LRRIQ3: variants seen among roughly 807,000 people sequenced by gnomAD.
LRRIQ3 encodes leucine-rich repeat and IQ domain-containing protein 3.
In LRRIQ3, 75 loss-of-function variants were observed where a neutral mutation model predicts 59.3. That is an observed-to-expected ratio of 1.26 (90% confidence interval 1.05 to 1.53). The LOEUF (loss-of-function observed/expected upper bound fraction) is 1.53. Ranked by LOEUF, LRRIQ3 falls within the 40% of genes most tolerant of loss-of-function variation. The probability of loss-of-function intolerance (pLI) is 0.00; values close to 1 mark genes in which losing one functional copy is unlikely to be tolerated. For missense variants in LRRIQ3, 831 were observed against 710.0 expected (o/e 1.17, Z -1.94); for synonymous variants, 250 against 231.3 (o/e 1.08, Z -0.73).
chr1:74,068,105 C>A (rs141621272), intron 6 of LRRIQ3, among the ~76,000 whole-genome samples: 29 of 152,182 alleles, frequency 1.9e-4, no homozygotes, highest in African/African-American at 6.5e-4. Flanking sequence ...ATAACTTGGA[C>A]TGCCATCATT....
chr1:74,165,241 C>T (rs951600348), intron 3 of LRRIQ3, among the ~76,000 whole-genome samples: 14 of 151,444 alleles, frequency 9.2e-5, no homozygotes, highest in African/African-American at 1.2e-4. Flanking sequence ...ATATAAATTT[C>T]GGTAGAATTG....
chr1:74,184,765 C>A (rs1650247194), intron 1 of LRRIQ3, among the ~76,000 whole-genome samples: 1 of 152,036 alleles, frequency 6.6e-6, no homozygotes, highest in Non-Finnish European at 1.5e-5. Context: ...GAAAGATTAG[C>A]CTCAACTACA....
intron 6 of LRRIQ3, among the ~76,000 whole-genome samples, chr1:74,060,312 T>C (rs1284303128): frequency 2.0e-5 from 3 of 149,656 alleles, no homozygotes; most frequent in Non-Finnish European, 4.5e-5. Flanking sequence ...CCTCTTCTTC[T>C]TCCTCCTCCT....
At position 74,182,640 on chromosome 1, in the gene LRRIQ3, A is replaced by T. The variant is rs781019683; in HGVS notation, c.471T>A (p.His157Gln). ...GAATTATTTCTTCATCAGAAATCAC[A>T]TGATGATCCAGCGCTTTGAGAGGCC... ...SIWPLKALDHHVISDEEIIQN... is the reference protein window; with the variant it reads ...SIWPLKALDHQVISDEEIIQN... Residue 157 changes from histidine to glutamine, a missense_variant, in exon 3 of 8, where the codon CAT (histidine) becomes CAA (glutamine). By Grantham distance (24) the His-to-Gln change is conservative. Transcript: ENST00000354431. 6 of 1,610,632 alleles carry T rather than the reference A, an allele frequency of 3.7e-6. No homozygotes were observed. The East Asian group carries it at 1.3e-4, about 36-fold the overall frequency.
At chr1:74,038,693 G>C (rs1201087265) in intron 7 of LRRIQ3, among the ~76,000 whole-genome samples, 1 of 152,168 alleles carries the variant, frequency 6.6e-6, no homozygotes, top group African/African-American at 2.4e-5. Flanking sequence ...TGCTTGAAGC[G>C]AACCTCTGGC....
chr1:74,160,763 A>G (rs1648612856), intron 3 of LRRIQ3, among the ~76,000 whole-genome samples: 1 of 152,062 alleles, frequency 6.6e-6, no homozygotes, highest in Non-Finnish European at 1.5e-5. Flanking sequence ...GTCCTATCAT[A>G]TACCATTTGA....
At chr1:74,098,620 C>T (rs1009032519) in intron 5 of LRRIQ3, among the ~76,000 whole-genome samples, 34 of 152,254 alleles carry the variant, frequency 2.2e-4, no homozygotes, top group Admixed American at 6.5e-4. Context: ...AGTACCACAT[C>T]TCACTTATTC....
At chr1:74,110,549 G>C (rs764769160) in intron 4 of LRRIQ3, among the ~76,000 whole-genome samples, 3 of 151,962 alleles carry the variant, frequency 2.0e-5, no homozygotes, top group African/African-American at 7.2e-5. Context: ...TCACGGAGGT[G>C]ATTTACCAAA....
intron 5 of LRRIQ3, among the ~76,000 whole-genome samples, chr1:74,105,991 G>A (rs965065633): frequency 2.0e-5 from 3 of 151,924 alleles, no homozygotes; most frequent in African/African-American, 4.8e-5. Flanking sequence ...AAGTGGTTCC[G>A]AGTAAGAGAT....
At chr1:74,115,097 A>G (rs1057208635) in intron 4 of LRRIQ3, among the ~76,000 whole-genome samples, 9 of 152,052 alleles carry the variant, frequency 5.9e-5, no homozygotes, top group African/African-American at 2.2e-4. Context: ...AGCGGTACAA[A>G]TCATTTCCAC....
chr1:74,033,497 G>C (rs1420425439), intron 7 of LRRIQ3, among the ~76,000 whole-genome samples: 1 of 151,954 alleles, frequency 6.6e-6, no homozygotes, highest in African/African-American at 2.4e-5. Context: ...TGAAAAGATA[G>C]ATTTTAGTTA....
chr1:74,082,991 T>G (rs1646289383), intron 5 of LRRIQ3: 1 of 151,694 alleles, frequency 6.6e-6, no homozygotes, highest in South Asian at 2.1e-4. Context: ...CTAAAATGAC[T>G]GTCTCATATG....
intron 7 of LRRIQ3, among the ~76,000 whole-genome samples, chr1:74,036,002 G>T (rs1025881698): frequency 2.0e-5 from 3 of 152,032 alleles, no homozygotes; most frequent in African/African-American, 7.2e-5. Context: ...GCTTATGTTT[G>T]CCACTGGACT....
At chr1:74,070,007 G>T (rs1570063658) in intron 6 of LRRIQ3, among the ~76,000 whole-genome samples, 1 of 151,932 alleles carries the variant, frequency 6.6e-6, no homozygotes, top group African/African-American at 2.4e-5. Context: ...GAAAAGAAAA[G>T]GTTTATACAC....
At chr1:74,154,279 A>AAAAAAAG (rs1648187710) in intron 4 of LRRIQ3, among the ~76,000 whole-genome samples, 3 of 132,446 alleles carry the variant, frequency 2.3e-5, no homozygotes, top group African/African-American at 8.7e-5. Flanking sequence ...AAAAAAAAAA[A>AAAAAAAG]TGTAATATCT....
At chr1:74,174,632 G>A (rs926789541) in intron 3 of LRRIQ3, among the ~76,000 whole-genome samples, 1 of 150,818 alleles carries the variant, frequency 6.6e-6, no homozygotes, top group Non-Finnish European at 1.5e-5. Context: ...GACCTTGGGT[G>A]ATCCACCTGC....
chr1:74,143,321 C>A (rs1259977703), intron 4 of LRRIQ3, among the ~76,000 whole-genome samples: 1 of 151,782 alleles, frequency 6.6e-6, no homozygotes, highest in African/African-American at 2.4e-5. Context: ...TTTTGGTTGA[C>A]AAATAGTAGA....
chr1:74,168,954 TTAA>T (rs1444233576), intron 3 of LRRIQ3, among the ~76,000 whole-genome samples: 1 of 151,800 alleles, frequency 6.6e-6, no homozygotes, highest in African/African-American at 2.4e-5. Flanking sequence ...ATCTACTCAC[TTAA>T]TAAACTTTTA....
chr1:74,183,510 T>G lies in LRRIQ3; in HGVS notation c.175A>C (p.Asn59His). Residue 59 changes from asparagine (N) to histidine (H), a missense_variant, in exon 2 of 8, where the codon AAC becomes CAC. Asn to His is a moderately conservative substitution (Grantham distance 68). Transcript: ENST00000354431. Reference protein sequence around the residue: ...CISLRVCIFSNNFITDIHPLQ... With the variant: ...CISLRVCIFSHNFITDIHPLQ... ...GGATGAATATCTGTAATAAAATTGT[T>G]TGAGAAGATGCATACTCTAAGAGAG... 1 of 1,611,404 alleles carries G rather than the reference T, an allele frequency of 6.2e-7. No homozygotes were observed. The highest frequency in any genetic ancestry group is 8.5e-7 in the Non-Finnish European group (1 of 1,178,452).
Sources: allele counts gnomAD v4.1 joint callset (sites outside exome capture counted in the v4.1 genomes callset), GRCh38; gene constraint gnomAD v4.1.1; transcripts MANE v1.5; gene names NCBI Gene and HGNC (gene_info 2026-07-23, HGNC 2026-07-21).